PARP9: variants seen among roughly 807,000 people sequenced by gnomAD.
The protein encoded by PARP9 is protein mono-ADP-ribosyltransferase PARP9.
In PARP9, 48 loss-of-function variants were observed where a neutral mutation model predicts 68.8. The ratio of observed to expected loss-of-function variants is 0.70; its 90% CI spans 0.55 to 0.89. The LOEUF is 0.89. PARP9 is among the 40% of genes least tolerant of loss of function. The pLI is 0.00. For synonymous variants in PARP9, 309 were observed against 333.8 expected (o/e 0.93, Z 0.81); for missense variants, 806 against 969.3 (o/e 0.83, Z 2.24).
intron 1 of PARP9, among the ~76,000 whole-genome samples, chr3:122,560,052 G>A (rs539882332): frequency 6.6e-6 from 1 of 152,310 alleles, no homozygotes; most frequent in East Asian, 1.9e-4. Context: ...AAAGTGGTGA[G>A]ACTGAGAACA....
chr3:122,560,433 C>A (rs2107746074), intron 1 of PARP9, among the ~76,000 whole-genome samples: 1 of 152,158 alleles, frequency 6.6e-6, no homozygotes, highest in Middle Eastern at 3.4e-3. Flanking sequence ...CTCTGTCCCC[C>A]AGGAATGCAG....
chr3:122,528,241 C>T lies in PARP9; in HGVS notation c.*123G>A. On this transcript the variant is annotated 3_prime_UTR_variant, in exon 11 of 11. Transcript: ENST00000682323. ...AGTATGTGGCTAGTCCTTTCAATAA[C>T]CCAGTCAGTCCATACAGATAACCCA... 1 of 1,278,942 alleles carries T rather than the reference C, an allele frequency of 7.8e-7. No individual in the cohort carries two copies. The highest frequency in any genetic ancestry group is 1.1e-6 in the Non-Finnish European group (1 of 923,848). The allele number at this position is 1,278,942 out of a possible 1,614,324, so 79.2% of individuals were successfully genotyped here.
intron 10 of PARP9, among the ~76,000 whole-genome samples, chr3:122,529,353 A>C (rs1370258272): frequency 6.6e-6 from 1 of 152,162 alleles, no homozygotes; most frequent in African/African-American, 2.4e-5. Flanking sequence ...ACTCCACGTA[A>C]AAGACAAAGA....
chr3:122,530,718 T>C (rs1490325300), intron 10 of PARP9, among the ~76,000 whole-genome samples: 2 of 152,194 alleles, frequency 1.3e-5, no homozygotes, highest in African/African-American at 4.8e-5. Flanking sequence ...CCAAACACTT[T>C]TAGGCTCAAG....
intron 10 of PARP9, chr3:122,533,069 G>A (rs371488390): frequency 1.6e-4 from 25 of 152,146 alleles, no homozygotes; most frequent in African/African-American, 6.0e-4. Context: ...TGTGTTTTGT[G>A]GCAAGGAGAG....
intron 1 of PARP9, among the ~76,000 whole-genome samples, chr3:122,563,693 T>C (rs1425224015): frequency 6.6e-6 from 1 of 151,966 alleles, no homozygotes; most frequent in African/African-American, 2.4e-5. Flanking sequence ...AAGCCTCAGG[T>C]GCTTTTCCCC....
intron 10 of PARP9, chr3:122,532,510 T>TCA: frequency 3.5e-6 from 3 of 850,060 alleles, no homozygotes; most frequent in Non-Finnish European, 4.2e-6. Context: ...CACCTTGAAC[T>TCA]GTCAAGATTC....
intron 10 of PARP9, chr3:122,535,091 G>A (rs1016486643): frequency 3.5e-5 from 34 of 983,062 alleles, no homozygotes; most frequent in Non-Finnish European, 3.6e-5. Context: ...AGAGCACAGC[G>A]ATGATCTTAA....
rs558765882 is a variant in PARP9, at chr3:122,535,356, C to A, written c.2080+812G>T. 39 of 985,224 alleles carry A rather than the reference C, an allele frequency of 4.0e-5. No individual in the cohort carries two copies. In the African/African-American group the frequency reaches 6.1e-4, roughly 15 times the overall value. The allele number at this position is 985,224 out of a possible 1,614,324, so 61.0% of individuals were successfully genotyped here. On this transcript the variant is annotated intron_variant, in intron 10 of 10. Coordinates refer to ENST00000682323, the MANE Select transcript of PARP9 (RefSeq NM_001146105.2). Reference sequence around the variant, plus strand: ...AACAAAGAAAAGATGATTTCTAGAGCCTTTGCATCCTAGAAACCAAGTCTA... The same window carrying A: ...AACAAAGAAAAGATGATTTCTAGAGACTTTGCATCCTAGAAACCAAGTCTA...
intron 6 of PARP9, among the ~76,000 whole-genome samples, chr3:122,547,580 C>T (rs1576415471): frequency 6.6e-6 from 1 of 151,578 alleles, no homozygotes; most frequent in Non-Finnish European, 1.5e-5. Flanking sequence ...GGGCTGGGCA[C>T]GGTGGCTCAC....
At chr3:122,561,375 A>C (rs1378987841) in intron 1 of PARP9, among the ~76,000 whole-genome samples, 1 of 152,158 alleles carries the variant, frequency 6.6e-6, no homozygotes, top group Non-Finnish European at 1.5e-5. Flanking sequence ...TGGGAGGATC[A>C]CTTGGTGGGA....
intron 8 of PARP9, among the ~76,000 whole-genome samples, chr3:122,538,037 C>T (rs568279209): frequency 3.4e-4 from 52 of 152,280 alleles, no homozygotes; most frequent in African/African-American, 1.2e-3. Context: ...ATTGAATGGG[C>T]TCAATTTAAC....
upstream of PARP9, chr3:122,564,638 G>T (rs775152379): frequency 6.3e-7 from 1 of 1,578,400 alleles, no homozygotes; most frequent in African/African-American, 1.4e-5. Context: ...GCCAGGCTGC[G>T]AAAGCCCTCT....
chr3:122,556,045 A>G lies in PARP9; in HGVS notation c.126T>C (p.Asn42=), dbSNP rs760107420. ...GGAGGACTTCACACAGCTGACGCTC[A>G]TTATTTTTTAAAATTTTGAAGTCAT... The part of the protein sequence containing the change: ...NHNDFKILKN[N]ERQLCEVLQN... Residue 42 remains asparagine (N), a synonymous_variant, in exon 4 of 11, where the codon AAT becomes AAC. Transcript: ENST00000682323. 6.2e-7 allele frequency: 1 copy of G among 1,603,698 alleles called. No homozygotes were observed. Among genetic ancestry groups the G allele is most frequent in the Non-Finnish European group, 8.5e-7 (1 of 1,174,710 alleles).
chr3:122,550,485 C>T lies in PARP9; in HGVS notation c.1326+99G>A, dbSNP rs1332287672. On this transcript the variant is annotated intron_variant, in intron 6 of 10. Coordinates refer to ENST00000682323, the MANE Select transcript of PARP9 (RefSeq NM_001146105.2). ...CCACCACACTGTACAGCACCTAGCCCTGCATCCCCTGCATCTTACATTGTA... is the reference window on the plus strand; with the variant it reads ...CCACCACACTGTACAGCACCTAGCCTTGCATCCCCTGCATCTTACATTGTA... 4 of 1,000,370 alleles carry T rather than the reference C, an allele frequency of 4.0e-6. No individual in the cohort carries two copies. In the African/African-American group the frequency reaches 4.8e-5, roughly 12 times the overall value. 62.0% of individuals were successfully genotyped at this position (1,000,370 alleles called of 1,614,324 possible). A position where few individuals can be genotyped will look rare whatever the true frequency, so the allele number is the denominator to read the frequency against.
chr3:122,532,741 G>A (rs773719299), intron 10 of PARP9: 1 of 152,288 alleles, frequency 6.6e-6, no homozygotes, highest in Admixed American at 6.5e-5. Context: ...TGCCAACCAG[G>A]AGATGCCATT....
At chr3:122,561,926 C>T (rs1354316297) in intron 1 of PARP9, among the ~76,000 whole-genome samples, 1 of 152,090 alleles carries the variant, frequency 6.6e-6, no homozygotes, top group Non-Finnish European at 1.5e-5. Flanking sequence ...AATCCTCCAT[C>T]CCACCCCCAC....
At chr3:122,561,083 T>C (rs1211687834) in intron 1 of PARP9, among the ~76,000 whole-genome samples, 1 of 152,228 alleles carries the variant, frequency 6.6e-6, no homozygotes, top group Non-Finnish European at 1.5e-5. Context: ...ACTTCTGGAA[T>C]GAGTAGTGGA....
intron 3 of PARP9, among the ~76,000 whole-genome samples, chr3:122,556,556 C>A (rs1271255406): frequency 6.6e-6 from 1 of 152,092 alleles, no homozygotes; most frequent in African/African-American, 2.4e-5. Flanking sequence ...AACTTTTTTG[C>A]CTTTGTCAGC....
Sources: allele counts gnomAD v4.1 joint callset (sites outside exome capture counted in the v4.1 genomes callset), GRCh38; gene constraint gnomAD v4.1.1; transcripts MANE v1.5; gene names NCBI Gene and HGNC (gene_info 2026-07-23, HGNC 2026-07-21).